CNOT3: variants seen among roughly 807,000 people sequenced by gnomAD.
CNOT3 encodes the protein CCR4-NOT transcription complex subunit 3, also known as CCR4-associated factor 3.
A neutral mutation model predicts 89.4 loss-of-function variants in CNOT3; 2 were observed. The ratio of observed to expected loss-of-function variants is 0.02; its 90% confidence interval spans 0.01 to 0.07. The LOEUF is 0.07. CNOT3 is among the 10% of genes least tolerant of loss of function. The pLI is 1.00. For synonymous variants in CNOT3, 486 were observed against 402.0 expected (o/e 1.21, Z -2.50); for missense variants, 664 against 1,010.2 (o/e 0.66, Z 4.65).
At chr19:54,151,830 AG>A (rs1272858726) in intron 13 of CNOT3, among the ~76,000 whole-genome samples, 3 of 152,216 alleles carry the variant, frequency 2.0e-5, no homozygotes, top group African/African-American at 7.2e-5. Context: ...CCTTCAAGAC[AG>A]GCGGGAGCTC....
rs2074649789 is a variant in CNOT3 at position 54,145,937 on chromosome 19, C to CAGCCA, written c.731_732insAGCCA (p.Ser245AlafsTer92). On this transcript the variant is annotated frameshift_variant, in exon 9 of 18. Transcript: ENST00000221232. LOFTEE classifies it high-confidence loss of function. This position sits in a 1 kb window ranked among gnomAD's most constrained non-coding sequence, Gnocchi z 5.9. Reference sequence around the variant, plus strand: ...CAGGCGCTGGTCGCCACCTCCCCCCCCAGCCACAGCCACATGGAGGATGAG... The same window carrying CAGCCA: ...CAGGCGCTGGTCGCCACCTCCCCCCCAGCCACAGCCACAGCCACATGGAGGATGAG... 1 of 1,613,838 alleles carries CAGCCA rather than the reference C, an allele frequency of 6.2e-7. No individual in the cohort carries two copies.
Position 54,143,103 on chromosome 19 carries a change from G to C in CNOT3, c.26-16G>C, listed in dbSNP as rs373066662. The C allele has an allele frequency of 1.1e-5, 17 of 1,613,710 alleles. No individual in the cohort carries two copies. The highest frequency in any genetic ancestry group is 1.4e-5 in the Non-Finnish European group (17 of 1,179,820). ...ACCTGGGCAGGATTCTCACAGCCTTGTTCCTCCCTGGCCAGGTGAGATTGA... is the reference window on the plus strand; with the variant it reads ...ACCTGGGCAGGATTCTCACAGCCTTCTTCCTCCCTGGCCAGGTGAGATTGA... On this transcript the variant is annotated splice_polypyrimidine_tract_variant and intron_variant, in intron 2 of 17. Coordinates refer to ENST00000221232, the MANE Select transcript of CNOT3 (RefSeq NM_014516.4).
intron 1 of CNOT3, among the ~76,000 whole-genome samples, chr19:54,140,980 C>T (rs754412175): frequency 2.6e-4 from 40 of 152,182 alleles, no homozygotes; most frequent in Non-Finnish European, 4.9e-4. Context: ...GAGCACCTGC[C>T]CATGACCCTC....
In CNOT3 at chr19:54,148,016, A is replaced by AGG. The variant is rs1364035472; in HGVS notation, c.895-130_895-129dup. ...GAGTAAGGTCACCCAGGTCCCCAAG[A>AGG]GGGCAGGAGCAGGTGGGGGCAGCGA... On this transcript the variant is annotated intron_variant, in intron 10 of 17. Transcript: ENST00000221232. This position sits in a 1 kb window ranked among gnomAD's most constrained non-coding sequence, Gnocchi z 6.3. 1 of 582,808 alleles carries AGG rather than the reference A, an allele frequency of 1.7e-6. No homozygotes were observed. Among genetic ancestry groups the AGG allele is most frequent in the African/African-American group, 2.0e-5 (1 of 51,084 alleles). 36.1% of individuals were successfully genotyped at this position (582,808 alleles called of 1,614,324 possible).
intron 5 of CNOT3, 54 bp from the exon 6 acceptor site, chr19:54,143,952 A>C (rs587628936): frequency 6.3e-7 from 1 of 1,579,144 alleles, no homozygotes; most frequent in South Asian, 1.2e-5. Flanking sequence ...GCTGGCCCTT[A>C]GTCAGCTCCT....
In CNOT3 at chr19:54,144,895, C is replaced by T. The variant is rs928338723; in HGVS notation, c.483+563C>T. Among the ~76,000 whole-genome samples the T allele has an allele frequency of 2.6e-5, 4 of 152,028 alleles. No individual in the cohort carries two copies. Among genetic ancestry groups the T allele is most frequent in the Non-Finnish European group, 5.9e-5 (4 of 68,000 alleles). ...ACCAGAAAGACAGGGAGGGGAGAGC[C>T]GGGTCCTCAGGGAAGCTGTGGGTGG... On this transcript the variant is annotated intron_variant, in intron 7 of 17. Coordinates refer to ENST00000221232, the MANE Select transcript of CNOT3 (RefSeq NM_014516.4). This position sits in a 1 kb window ranked among gnomAD's most constrained non-coding sequence, Gnocchi z 4.8.
At chr19:54,142,807 G>T in intron 1 of CNOT3, 122 bp from the exon 2 acceptor site, 2 of 676,134 alleles carry the variant, frequency 3.0e-6, no homozygotes, top group Non-Finnish European at 5.3e-6. Context: ...TCTCTTGTCA[G>T]ATAGCAAATG....
At chr19:54,143,313 C>T (rs2074529473) in intron 3 of CNOT3, 127 bp downstream of exon 3, 2 of 1,089,570 alleles carry the variant, frequency 1.8e-6, no homozygotes, top group Non-Finnish European at 2.8e-6. Context: ...CTAAGAGAAT[C>T]AGCTCTAAGA....
At chr19:54,139,637 T>C (rs1394958887) in intron 1 of CNOT3, among the ~76,000 whole-genome samples, 1 of 152,162 alleles carries the variant, frequency 6.6e-6, no homozygotes, top group African/African-American at 2.4e-5. Context: ...ACCGTAAGGC[T>C]GAGGACCCCT....
chr19:54,149,341 C>G (rs1309714258), intron 12 of CNOT3, among the ~76,000 whole-genome samples: 1 of 152,200 alleles, frequency 6.6e-6, no homozygotes, highest in African/African-American at 2.4e-5. Context: ...CACCCCCACC[C>G]CCACAGCTCT....
intron 10 of CNOT3, among the ~76,000 whole-genome samples, chr19:54,147,553 G>T (rs587631938): frequency 6.6e-5 from 10 of 152,198 alleles, no homozygotes; most frequent in African/African-American, 2.4e-4. Context: ...AGGTGCCTGT[G>T]GGGTGGCTGG....
At position 54,145,489 on chromosome 19, in the gene CNOT3, G is replaced by A. The variant is rs1308812448; in HGVS notation, c.484-109G>A. 3 of 745,982 alleles carry A rather than the reference G, an allele frequency of 4.0e-6. No individual in the cohort carries two copies. The highest frequency in any genetic ancestry group is 2.2e-5 in the Admixed American group (1 of 46,262). 46.2% of individuals were successfully genotyped at this position (745,982 alleles called of 1,614,324 possible). A position where few individuals can be genotyped will look rare whatever the true frequency, so the allele number is the denominator to read the frequency against. ...CCCACCCCGAAGGGGATGGCGTGGA[G>A]GCTTTGGGTCTCCACAGGGGTCAGG... On this transcript the variant is annotated intron_variant, in intron 7 of 17. Transcript: ENST00000221232. The surrounding 1 kb of genome is among the most constrained non-coding windows in gnomAD (Gnocchi z 5.9).
rs147391222 is a variant in CNOT3 at position 54,144,287 on chromosome 19, G to A, written c.438G>A (p.Val146=). 1.5e-5 allele frequency: 24 copies of A among 1,613,934 alleles called. No individual in the cohort carries two copies. In the African/African-American group the frequency reaches 2.7e-4, roughly 18 times the overall value. Residue 146 remains valine, a synonymous_variant, in exon 7 of 18, where the codon GTG becomes GTA. Coordinates refer to ENST00000221232, the MANE Select transcript of CNOT3 (RefSeq NM_014516.4). This position sits in a 1 kb window ranked among gnomAD's most constrained non-coding sequence, Gnocchi z 4.8. ...NMQVDQFESE[V]ESLSVQTRKK... ...AGGTGGACCAGTTTGAGAGTGAAGT[G>A]GAGTCACTGTCAGTGCAGACACGCA...
At chr19:54,143,239 A>G in intron 3 of CNOT3, 53 bp downstream of exon 3, 2 of 1,522,784 alleles carry the variant, frequency 1.3e-6, no homozygotes, top group South Asian at 2.2e-5. Flanking sequence ...AGGGCACAGG[A>G]AGGCGGCTCA....
chr19:54,139,870 G>A (rs1466785878), intron 1 of CNOT3, among the ~76,000 whole-genome samples: 1 of 152,132 alleles, frequency 6.6e-6, no homozygotes, highest in Non-Finnish European at 1.5e-5. Context: ...CATCTCAGTG[G>A]AGATGACTAC....
intron 1 of CNOT3, among the ~76,000 whole-genome samples, 159 bp downstream of exon 1, chr19:54,138,152 T>A (rs1197348364): frequency 6.6e-6 from 1 of 151,080 alleles, no homozygotes; most frequent in East Asian, 2.0e-4. Flanking sequence ...AGCGCGGGGC[T>A]CCCGGCGGGG....
chr19:54,140,922 G>T (rs2074423887), intron 1 of CNOT3, among the ~76,000 whole-genome samples: 1 of 152,170 alleles, frequency 6.6e-6, no homozygotes, highest in Non-Finnish European at 1.5e-5. Flanking sequence ...GGTGTTGATT[G>T]CCTTGTTTAG....
In CNOT3 at chr19:54,144,182, C is replaced by T. The variant is rs1182169786; in HGVS notation, c.387+48C>T. On this transcript the variant is annotated intron_variant, in intron 6 of 17. Coordinates refer to ENST00000221232, the MANE Select transcript of CNOT3 (RefSeq NM_014516.4). The surrounding 1 kb of genome is among the most constrained non-coding windows in gnomAD (Gnocchi z 4.8). ...AGGTGAACTCTGAGGATCCTGAGCC[C>T]TGGGTGTAGGCGGAACCCTAGCTGA... is the stretch of plus-strand genomic sequence containing the variant. 1.2e-6 allele frequency: 2 copies of T among 1,612,198 alleles called. No homozygotes were observed. Among genetic ancestry groups the T allele is most frequent in the African/African-American group, 2.7e-5 (2 of 74,884 alleles).
intron 3 of CNOT3, 99 bp from the exon 4 acceptor site, chr19:54,143,343 G>C: frequency 2.5e-6 from 3 of 1,217,910 alleles, no homozygotes; most frequent in East Asian, 2.5e-5. Context: ...GGTAGGGGTT[G>C]GGGGGGGTCC....
Sources: gnomAD v4.1 joint callset for allele counts (sites outside exome capture counted in the v4.1 genomes callset) on GRCh38, gnomAD v4.1.1 for gene constraint, Gnocchi (gnomAD v3.1) non-coding constraint, MANE v1.5 for transcripts, NCBI Gene and HGNC (gene_info 2026-07-23, HGNC 2026-07-21) for gene names.